The following SPSB1 variants were observed in gnomAD, a reference collection of about 807,000 sequenced individuals.
SPSB1 encodes splA/ryanodine receptor domain and SOCS box containing 1.
In SPSB1, 8 loss-of-function variants were observed where a neutral mutation model predicts 21.2. The ratio of observed to expected loss-of-function variants is 0.38; its 90% CI spans 0.22 to 0.68. SPSB1 has a LOEUF of 0.68. SPSB1 is among the 30% of genes least tolerant of loss of function. SPSB1 has a pLI of 0.53. For missense variants in SPSB1, 242 were observed against 377.8 expected (o/e 0.64, Z 2.98); for synonymous variants, 169 against 161.7 (o/e 1.05, Z -0.34).
chr1:9,309,049 G>T (rs992675600), intron 1 of SPSB1, among the ~76,000 whole-genome samples: 3 of 152,020 alleles, frequency 2.0e-5, no homozygotes, highest in African/African-American at 7.3e-5. Context: ...AGGCTGGGGG[G>T]TTTCATGGTA....
chr1:9,329,889 T>C (rs1639886438), intron 1 of SPSB1, among the ~76,000 whole-genome samples: 2 of 152,006 alleles, frequency 1.3e-5, no homozygotes, highest in Non-Finnish European at 2.9e-5. Flanking sequence ...AAAACTTGGA[T>C]ACTATGAGGC....
chr1:9,326,303 A>C (rs1639814834), intron 1 of SPSB1, among the ~76,000 whole-genome samples: 1 of 152,048 alleles, frequency 6.6e-6, no homozygotes, highest in Non-Finnish European at 1.5e-5. Flanking sequence ...TCTGATCCTC[A>C]GTCTCCCTGC....
rs1054961378 is a variant in SPSB1, at chr1:9,367,162, G to A, written c.695-286G>A. 3.3e-5 allele frequency among the ~76,000 whole-genome samples: 5 copies of A among 152,188 alleles called. No individual in the cohort carries two copies. The highest frequency in any genetic ancestry group is 1.2e-4 in the African/African-American group (5 of 41,440). On this transcript the variant is annotated intron_variant, in intron 2 of 2. Coordinates refer to ENST00000328089, the MANE Select transcript of SPSB1 (RefSeq NM_025106.4). This position sits in a 1 kb window ranked among gnomAD's most constrained non-coding sequence, Gnocchi z 5.9. Reference sequence around the variant, plus strand: ...CTCAGTTTCCTCATCTGTAAAATGGGGATGAAGGTAATGGTGTCTCTGTGA... The same window carrying A: ...CTCAGTTTCCTCATCTGTAAAATGGAGATGAAGGTAATGGTGTCTCTGTGA...
rs991359104 is a variant in SPSB1, at chr1:9,324,341, G to A, written c.-150+31270G>A. 1.3e-5 allele frequency among the ~76,000 whole-genome samples: 2 copies of A among 152,126 alleles called. No homozygotes were observed. The highest frequency in any genetic ancestry group is 6.5e-5 in the Admixed American group (1 of 15,270). On this transcript the variant is annotated intron_variant, in intron 1 of 2. Coordinates refer to ENST00000328089, the MANE Select transcript of SPSB1 (RefSeq NM_025106.4). This position sits in a 1 kb window ranked among gnomAD's most constrained non-coding sequence, Gnocchi z 4.3. ...TAGCTGTTGGTGGTGTGCCATCTGC[G>A]GCTCTGCTCTGGTGAGTTCTGCTGC... is the stretch of plus-strand genomic sequence containing the variant.
chr1:9,323,517 T>C (rs1039733129), intron 1 of SPSB1, among the ~76,000 whole-genome samples: 2 of 152,188 alleles, frequency 1.3e-5, no homozygotes, highest in African/African-American at 4.8e-5. Context: ...TGTGCTGCCC[T>C]CATGGGGGTC....
chr1:9,325,378 C>T (rs948248058), intron 1 of SPSB1, among the ~76,000 whole-genome samples: 1 of 152,172 alleles, frequency 6.6e-6, no homozygotes, highest in Non-Finnish European at 1.5e-5. Flanking sequence ...AATGAGGGGC[C>T]TGGAAGGCAG....
chr1:9,305,712 T>C lies in SPSB1; in HGVS notation c.-150+12641T>C, dbSNP rs1160325050. On this transcript the variant is annotated intron_variant, in intron 1 of 2. Transcript: ENST00000328089. The surrounding 1 kb of genome is among the most constrained non-coding windows in gnomAD (Gnocchi z 4.8). ...ACAAGCCTCTGTTCTCAGGAGCTGT[T>C]AGTGGGCCACTTGTCATTCATGCTT... is the stretch of plus-strand genomic sequence containing the variant. 2.0e-5 allele frequency among the ~76,000 whole-genome samples: 3 copies of C among 152,186 alleles called. No homozygotes were observed. Among genetic ancestry groups the C allele is most frequent in the African/African-American group, 7.2e-5 (3 of 41,446 alleles).
intron 1 of SPSB1, among the ~76,000 whole-genome samples, chr1:9,342,927 C>T (rs1640113390): frequency 6.6e-6 from 1 of 152,222 alleles, no homozygotes; most frequent in South Asian, 2.1e-4. Context: ...GGCTAATAAG[C>T]CCAGTTGAAA....
At chr1:9,337,775 G>A (rs959608898) in intron 1 of SPSB1, among the ~76,000 whole-genome samples, 22 of 152,326 alleles carry the variant, frequency 1.4e-4, no homozygotes, top group South Asian at 6.2e-4. Flanking sequence ...CCCTGCCTCC[G>A]TTCGTTCTCT....
At chr1:9,340,567 T>A (rs887477536) in intron 1 of SPSB1, among the ~76,000 whole-genome samples, 1 of 152,196 alleles carries the variant, frequency 6.6e-6, no homozygotes, top group African/African-American at 2.4e-5. Context: ...ACCTTGGTCC[T>A]CCTCCAGCTG....
At position 9,293,776 on chromosome 1, in the gene SPSB1, C is replaced by T. The variant is rs1232760762; in HGVS notation, c.-150+705C>T. Among the ~76,000 whole-genome samples, 1 of 152,138 alleles carries T rather than the reference C, an allele frequency of 6.6e-6. No individual in the cohort carries two copies. Among genetic ancestry groups the T allele is most frequent in the African/African-American group, 2.4e-5 (1 of 41,430 alleles). ...GGCGTGTACTGGGCTCGGTGGCGTC[C>T]AGGTTCCGGTGAGGACGGGACGGCC... On this transcript the variant is annotated intron_variant, in intron 1 of 2. Transcript: ENST00000328089. The surrounding 1 kb of genome is among the most constrained non-coding windows in gnomAD (Gnocchi z 5.1).
rs1233537716 is a variant in SPSB1, at chr1:9,344,777, C to G, written c.-149-10966C>G. 2.0e-5 allele frequency among the ~76,000 whole-genome samples: 3 copies of G among 152,112 alleles called. No individual in the cohort carries two copies. The East Asian group carries it at 5.8e-4, about 29-fold the overall frequency. ...CTGTCACGTAGGCTGGGTGGTGGCCCCTGAAATCTCTCTGGGTTGATGCTT... is the reference window on the plus strand; with the variant it reads ...CTGTCACGTAGGCTGGGTGGTGGCCGCTGAAATCTCTCTGGGTTGATGCTT... On this transcript the variant is annotated intron_variant, in intron 1 of 2. Coordinates refer to ENST00000328089, the MANE Select transcript of SPSB1 (RefSeq NM_025106.4).
chr1:9,311,486 T>C (rs1639519182), intron 1 of SPSB1, among the ~76,000 whole-genome samples: 1 of 152,194 alleles, frequency 6.6e-6, no homozygotes. Flanking sequence ...TTCGCTGGTC[T>C]CTTCACCATG....
rs1158252031 is a variant in SPSB1 at position 9,345,584 on chromosome 1, T to G, written c.-149-10159T>G. Among the ~76,000 whole-genome samples, 6 of 152,218 alleles carry G rather than the reference T, an allele frequency of 3.9e-5. No homozygotes were observed. The highest frequency in any genetic ancestry group is 8.8e-5 in the Non-Finnish European group (6 of 68,040). ...AGTCCGTTGTCCTCGCCACCCTGACTAAGCTACAGCTGCGATATATTGTAA... is the reference window on the plus strand; with the variant it reads ...AGTCCGTTGTCCTCGCCACCCTGACGAAGCTACAGCTGCGATATATTGTAA... On this transcript the variant is annotated intron_variant, in intron 1 of 2. Transcript: ENST00000328089. The surrounding 1 kb of genome is among the most constrained non-coding windows in gnomAD (Gnocchi z 4.8).
In SPSB1 at chr1:9,344,999, C is replaced by T. The variant is rs190385184; in HGVS notation, c.-149-10744C>T. The stretch of plus-strand genomic sequence containing the variant: ...CCTGAAAGCCTGGGTTTGGTCGGAT[C>T]CCCTATGTCCAAGAGACTGCCTTGT... On this transcript the variant is annotated intron_variant, in intron 1 of 2. Coordinates refer to ENST00000328089, the MANE Select transcript of SPSB1 (RefSeq NM_025106.4). 5.3e-5 allele frequency among the ~76,000 whole-genome samples: 8 copies of T among 152,322 alleles called. No individual in the cohort carries two copies. The East Asian group carries it at 1.5e-3, about 29-fold the overall frequency.
Position 9,293,105 on chromosome 1 carries a change from G to A in SPSB1, c.-150+34G>A. 1 of 980,290 alleles carries A rather than the reference G, an allele frequency of 1.0e-6. No individual in the cohort carries two copies. The highest frequency in any genetic ancestry group is 1.2e-6 in the Non-Finnish European group (1 of 827,114). The allele number at this position is 980,290 out of a possible 1,614,324, so 60.7% of individuals were successfully genotyped here. A position where few individuals can be genotyped will look rare whatever the true frequency, so the allele number is the denominator to read the frequency against. ...CGCGGGGCACCTGGGACCCCGATGGGTGGGCGACCGGCCCGGGAGGGGGAG... is the reference window on the plus strand; with the variant it reads ...CGCGGGGCACCTGGGACCCCGATGGATGGGCGACCGGCCCGGGAGGGGGAG... On this transcript the variant is annotated intron_variant, in intron 1 of 2. Transcript: ENST00000328089. This position sits in a 1 kb window ranked among gnomAD's most constrained non-coding sequence, Gnocchi z 5.1.
At position 9,294,912 on chromosome 1, in the gene SPSB1, G is replaced by A. The variant is rs574718117; in HGVS notation, c.-150+1841G>A. ...GGTCTCTCCACACTGAGGAATTTTGGAGTCAGGGAAGTCCTGTCTTACTGT... is the reference window on the plus strand; with the variant it reads ...GGTCTCTCCACACTGAGGAATTTTGAAGTCAGGGAAGTCCTGTCTTACTGT... On this transcript the variant is annotated intron_variant, in intron 1 of 2. Coordinates refer to ENST00000328089, the MANE Select transcript of SPSB1 (RefSeq NM_025106.4). Among the ~76,000 whole-genome samples, 10 of 152,212 alleles carry A rather than the reference G, an allele frequency of 6.6e-5. No homozygotes were observed. The South Asian group carries it at 1.2e-3, about 19-fold the overall frequency.
rs552540454 is a variant in SPSB1 at position 9,324,217 on chromosome 1, A to G, written c.-150+31146A>G. On this transcript the variant is annotated intron_variant, in intron 1 of 2. Coordinates refer to ENST00000328089, the MANE Select transcript of SPSB1 (RefSeq NM_025106.4). This position sits in a 1 kb window ranked among gnomAD's most constrained non-coding sequence, Gnocchi z 4.3. Reference sequence around the variant, plus strand: ...AGTGGACACCTCTGACGCAGCTGGAATGGGCCTAGGTGGGAGGGACTTTGT... The same window carrying G: ...AGTGGACACCTCTGACGCAGCTGGAGTGGGCCTAGGTGGGAGGGACTTTGT... Among the ~76,000 whole-genome samples the G allele has an allele frequency of 5.3e-5, 8 of 152,308 alleles. No homozygotes were observed. In the East Asian group the frequency reaches 1.5e-3, roughly 29 times the overall value.
At chr1:9,355,719 G>A (rs917344152) in intron 1 of SPSB1, 24 bp from the exon 2 acceptor site, 68 of 1,351,356 alleles carry the variant, frequency 5.0e-5, no homozygotes, top group Admixed American at 7.0e-5. Context: ...CTGCTCACCG[G>A]TTGTTTGTCT....
Sources: gnomAD v4.1 joint callset for allele counts (sites outside exome capture counted in the v4.1 genomes callset) on GRCh38, gnomAD v4.1.1 for gene constraint, Gnocchi (gnomAD v3.1) non-coding constraint, MANE v1.5 for transcripts, NCBI Gene and HGNC (gene_info 2026-07-23, HGNC 2026-07-21) for gene names.